The following SLC25A26 variants were observed in gnomAD, a reference collection of about 807,000 sequenced individuals.
SLC25A26 encodes mitochondrial S-adenosylmethionine carrier protein.
SLC25A26 carries 36 observed loss-of-function variants against 37.8 expected under a neutral mutation model. That is an observed-to-expected ratio of 0.95 (90% CI 0.73 to 1.26). SLC25A26 has a LOEUF of 1.26. Ranked by LOEUF, SLC25A26 falls within the 50% of genes most tolerant of loss-of-function variation. SLC25A26 has a pLI of 0.00. For missense variants in SLC25A26, 390 were observed against 331.1 expected (o/e 1.18, Z -1.38); for synonymous variants, 129 against 122.5 (o/e 1.05, Z -0.35).
chr3:66,228,199 A>G (rs1461314343), intron 1 of SLC25A26, among the ~76,000 whole-genome samples: 1 of 152,260 alleles, frequency 6.6e-6, no homozygotes, highest in South Asian at 2.1e-4. Flanking sequence ...AGCACCAATC[A>G]TGCAAGGACC....
rs190185546 is a variant in SLC25A26, at chr3:66,364,937, A to G, written c.568+2008A>G. Among the ~76,000 whole-genome samples the G allele has an allele frequency of 2.6e-5, 4 of 152,332 alleles. No homozygotes were observed. In the South Asian group the frequency reaches 8.3e-4, roughly 32 times the overall value. On this transcript the variant is annotated intron_variant, in intron 7 of 9. Transcript: ENST00000354883. The stretch of plus-strand genomic sequence containing the variant: ...TCAGTAGAACCACATATATTTAGCA[A>G]AAGATAAATAGATTGCTTATTTATA...
Position 66,378,867 on chromosome 3 carries a change from G to C in SLC25A26, c.*1060G>C, listed in dbSNP as rs548482605. 2.0e-5 allele frequency: 3 copies of C among 152,540 alleles called. No homozygotes were observed. The highest frequency in any genetic ancestry group is 2.9e-5 in the Non-Finnish European group (2 of 68,044). 9.4% of individuals were successfully genotyped at this position (152,540 alleles called of 1,614,324 possible). On this transcript the variant is annotated 3_prime_UTR_variant, in exon 10 of 10. Transcript: ENST00000354883. ...TGTTAGACACTTCAATATTTTACAT[G>C]GTTTTCAATGTACACTGTACCAAAA...
intron 3 of SLC25A26, among the ~76,000 whole-genome samples, chr3:66,249,604 T>G (rs1357948252): frequency 6.6e-6 from 1 of 152,252 alleles, no homozygotes; most frequent in Non-Finnish European, 1.5e-5. Context: ...AGAAGAAAGG[T>G]TGACAACTTT....
intron 3 of SLC25A26, among the ~76,000 whole-genome samples, chr3:66,250,077 AACC>A (rs1199069366): frequency 6.6e-6 from 1 of 152,222 alleles, no homozygotes; most frequent in Non-Finnish European, 1.5e-5. Context: ...AGCAACCCTA[AACC>A]ATAAGAATTA....
At chr3:66,359,869 T>A (rs2076658567) in intron 6 of SLC25A26, among the ~76,000 whole-genome samples, 1 of 152,240 alleles carries the variant, frequency 6.6e-6, no homozygotes, top group Non-Finnish European at 1.5e-5. Context: ...CTTTTCTTTT[T>A]TAGCTTATCT....
chr3:66,222,463 G>C (rs2071546258), intron 1 of SLC25A26, among the ~76,000 whole-genome samples: 2 of 152,234 alleles, frequency 1.3e-5, no homozygotes, highest in Admixed American at 1.3e-4. Context: ...CTACAGGCGT[G>C]AGCCACGGCG....
At position 66,276,284 on chromosome 3, in the gene SLC25A26, G is replaced by T. The variant is rs75740717; in HGVS notation, c.453+12905G>T. On this transcript the variant is annotated intron_variant, in intron 5 of 9. Transcript: ENST00000354883. ...AAGTAATACAACTAGGAGGTGGCAGGACTGGAATTGGAGGTCAAGTTTGTA... is the reference window on the plus strand; with the variant it reads ...AAGTAATACAACTAGGAGGTGGCAGTACTGGAATTGGAGGTCAAGTTTGTA... Among the ~76,000 whole-genome samples the T allele has an allele frequency of 7.2e-4, 109 of 152,214 alleles. 1 individual carries two copies. The East Asian group carries it at 0.021, about 29-fold the overall frequency.
chr3:66,371,539 T>C (rs1700343945), intron 9 of SLC25A26: 11 of 1,237,946 alleles, frequency 8.9e-6, no homozygotes, highest in Non-Finnish European at 1.2e-5. Context: ...CTCTGAGGGA[T>C]TGACGTTGGG....
At chr3:66,202,187 A>G (rs1413973987) in intron 1 of SLC25A26, among the ~76,000 whole-genome samples, 1 of 152,226 alleles carries the variant, frequency 6.6e-6, no homozygotes, top group Non-Finnish European at 1.5e-5. Context: ...AGCTATAAAA[A>G]AGAATGAATT....
intron 5 of SLC25A26, among the ~76,000 whole-genome samples, chr3:66,309,623 C>G (rs2075321056): frequency 6.6e-6 from 1 of 152,192 alleles, no homozygotes; most frequent in South Asian, 2.1e-4. Flanking sequence ...ATCTTTCCCA[C>G]TTTCGCCTGT....
intron 1 of SLC25A26, among the ~76,000 whole-genome samples, chr3:66,225,258 C>T (rs782181879): frequency 1.2e-4 from 18 of 152,300 alleles, no homozygotes; most frequent in African/African-American, 2.6e-4. Context: ...CCGACGTTTC[C>T]GTACATCATC....
chr3:66,152,519 C>G (rs969122337), intron 1 of SLC25A26, among the ~76,000 whole-genome samples: 8 of 152,112 alleles, frequency 5.3e-5, no homozygotes, highest in African/African-American at 1.9e-4. Flanking sequence ...TTGGAGTGTC[C>G]TTTTCATTTT....
chr3:66,321,787 G>A (rs2075701857), intron 5 of SLC25A26, among the ~76,000 whole-genome samples: 2 of 150,040 alleles, frequency 1.3e-5, no homozygotes, highest in Non-Finnish European at 3.0e-5. Flanking sequence ...AGTGGTGTAT[G>A]CTAGTTAGAA....
intron 5 of SLC25A26, among the ~76,000 whole-genome samples, chr3:66,316,320 A>G (rs993396430): frequency 1.3e-5 from 2 of 152,102 alleles, no homozygotes; most frequent in African/African-American, 4.8e-5. Context: ...GTGCTGATGA[A>G]TTCCCTCAGC....
At chr3:66,325,253 A>T (rs1312486547) in intron 5 of SLC25A26, among the ~76,000 whole-genome samples, 5 of 152,212 alleles carry the variant, frequency 3.3e-5, no homozygotes, top group Non-Finnish European at 7.3e-5. Context: ...AATTAAAGAA[A>T]GGTGAGGTGA....
chr3:66,347,260 C>G (rs1420739140), intron 6 of SLC25A26, among the ~76,000 whole-genome samples: 1 of 152,050 alleles, frequency 6.6e-6, no homozygotes, highest in Admixed American at 6.5e-5. Context: ...CCACAAGGAA[C>G]TGAAATGAAT....
At chr3:66,303,557 C>G (rs545756873) in intron 5 of SLC25A26, among the ~76,000 whole-genome samples, 3 of 152,318 alleles carry the variant, frequency 2.0e-5, no homozygotes, top group Non-Finnish European at 4.4e-5. Flanking sequence ...GATCACTTAA[C>G]TAGAATGTCC....
intron 1 of SLC25A26, among the ~76,000 whole-genome samples, chr3:66,189,046 C>A (rs1327135723): frequency 1.3e-5 from 2 of 152,126 alleles, no homozygotes; most frequent in Non-Finnish European, 2.9e-5. Flanking sequence ...ATACACACAT[C>A]ATTTCTCCCC....
intron 1 of SLC25A26, among the ~76,000 whole-genome samples, chr3:66,140,584 T>G (rs1414664696): frequency 6.6e-6 from 1 of 152,170 alleles, no homozygotes; most frequent in Non-Finnish European, 1.5e-5. Flanking sequence ...CTAGAAAATG[T>G]CCGTAAATCT....
Sources: gnomAD v4.1 joint callset for allele counts (sites outside exome capture counted in the v4.1 genomes callset) on GRCh38, gnomAD v4.1.1 for gene constraint, MANE v1.5 for transcripts, NCBI Gene and HGNC (gene_info 2026-07-23, HGNC 2026-07-21) for gene names.